The following CSMD3 variants were observed in gnomAD, a reference collection of about 807,000 sequenced individuals.
The protein encoded by CSMD3 is CUB and Sushi multiple domains 3.
A neutral mutation model predicts 435.2 loss-of-function variants in CSMD3; 177 were observed. The ratio of observed to expected loss-of-function variants is 0.41; its 90% CI spans 0.36 to 0.46. CSMD3 has a LOEUF of 0.46. Ranked by LOEUF, CSMD3 falls within the 20% of genes least tolerant of loss-of-function variation. The probability of loss-of-function intolerance (pLI) is 0.34; values close to 1 mark genes in which losing one functional copy is unlikely to be tolerated. For missense variants in CSMD3, 4,265 were observed against 4,504.6 expected (o/e 0.95, Z 1.52); for synonymous variants, 1,656 against 1,520.5 (o/e 1.09, Z -2.07).
intron 4 of CSMD3, among the ~76,000 whole-genome samples, chr8:113,168,507 A>G (rs1805922597): frequency 2.4e-5 from 3 of 125,146 alleles, no homozygotes; most frequent in African/African-American, 6.0e-5. Flanking sequence ...GTGACAGAGC[A>G]AGACTCTGTC....
chr8:113,303,120 GACAA>G (rs1471788257), intron 2 of CSMD3, among the ~76,000 whole-genome samples: 3 of 145,514 alleles, frequency 2.1e-5, no homozygotes, highest in East Asian at 2.0e-4. Context: ...AACAACAACA[GACAA>G]ACAGAGAGCC....
chr8:113,219,753 T>G (rs1176157452), intron 3 of CSMD3, among the ~76,000 whole-genome samples: 2 of 151,556 alleles, frequency 1.3e-5, no homozygotes, highest in East Asian at 1.9e-4. Flanking sequence ...GCTATCAAAA[T>G]ATGCCTAAAA....
intron 4 of CSMD3, among the ~76,000 whole-genome samples, chr8:113,134,964 C>T (rs1367590864): frequency 6.6e-6 from 1 of 151,972 alleles, no homozygotes; most frequent in African/African-American, 2.4e-5. Flanking sequence ...CTTGTAACAA[C>T]TCACTCCCTA....
rs140114679 is a variant in CSMD3, at chr8:113,361,762, A to G, written c.179-46969T>C. Among the ~76,000 whole-genome samples the G allele has an allele frequency of 4.3e-4, 66 of 152,278 alleles. 1 individual carries two copies. In the East Asian group the frequency reaches 0.012, roughly 28 times the overall value. On this transcript the variant is annotated intron_variant, in intron 1 of 70. Transcript: ENST00000297405. ...AGCATTTATGACATTTATAGGAACC[A>G]TATCAATTTGTAAGCTATAAAGCAC...
chr8:112,462,720 A>G (rs1386811142), intron 32 of CSMD3, among the ~76,000 whole-genome samples: 1 of 152,182 alleles, frequency 6.6e-6, no homozygotes, highest in East Asian at 1.9e-4. Flanking sequence ...TTATATTAAA[A>G]CATGTAAAAT....
At chr8:112,377,909 CA>C (rs139582776) in intron 38 of CSMD3, among the ~76,000 whole-genome samples, 1,771 of 152,022 alleles carry the variant, frequency 0.012, 36 homozygotes, top group African/African-American at 0.04. Context: ...TGGTAAAAAA[CA>C]AAAAGCTTTT....
At chr8:112,559,318 A>G (rs376736717) in intron 24 of CSMD3, among the ~76,000 whole-genome samples, 5 of 152,050 alleles carry the variant, frequency 3.3e-5, no homozygotes, top group African/African-American at 9.6e-5. Context: ...TTTACATTAC[A>G]AAAGGTTAGA....
At chr8:112,482,115 A>C (rs1819675342) in intron 31 of CSMD3, among the ~76,000 whole-genome samples, 1 of 152,164 alleles carries the variant, frequency 6.6e-6, no homozygotes, top group Admixed American at 6.5e-5. Context: ...CATCTCACTG[A>C]TTGCCTGGAT....
chr8:112,835,299 ATAACTTCTAC>A (rs1221188897), intron 11 of CSMD3, among the ~76,000 whole-genome samples: 1 of 151,886 alleles, frequency 6.6e-6, no homozygotes, highest in East Asian at 1.9e-4. Context: ...ATTTAATACC[ATAACTTCTAC>A]ATTGTCATAT....
intron 12 of CSMD3, among the ~76,000 whole-genome samples, chr8:112,806,693 T>C (rs2079095809): frequency 6.6e-6 from 1 of 152,170 alleles, no homozygotes; most frequent in Non-Finnish European, 1.5e-5. Context: ...CTGATATTCT[T>C]GTCTGTAATG....
At chr8:113,371,009 G>T (rs2094343242) in intron 1 of CSMD3, among the ~76,000 whole-genome samples, 1 of 152,092 alleles carries the variant, frequency 6.6e-6, no homozygotes, top group Admixed American at 6.6e-5. Context: ...AGTTACAATT[G>T]TCTTACCTTC....
At chr8:112,401,009 C>A (rs1831288633) in intron 35 of CSMD3, among the ~76,000 whole-genome samples, 1 of 151,992 alleles carries the variant, frequency 6.6e-6, no homozygotes, top group African/African-American at 2.4e-5. Context: ...CAGTTCAAGA[C>A]CAGCCTAGCC....
intron 3 of CSMD3, among the ~76,000 whole-genome samples, chr8:113,203,051 T>G (rs1419097689): frequency 6.6e-6 from 1 of 152,112 alleles, no homozygotes; most frequent in Admixed American, 6.6e-5. Flanking sequence ...TCTAGAGTTC[T>G]GTACTACTGT....
intron 29 of CSMD3, among the ~76,000 whole-genome samples, chr8:112,504,754 A>G (rs1822331103): frequency 1.3e-5 from 2 of 152,148 alleles, no homozygotes; most frequent in Non-Finnish European, 2.9e-5. Context: ...CAATTGTCCC[A>G]CAATGATCAT....
chr8:112,698,862 G>T (rs2131864032), intron 13 of CSMD3, among the ~76,000 whole-genome samples: 1 of 152,256 alleles, frequency 6.6e-6, no homozygotes, highest in East Asian at 1.9e-4. Context: ...GATTGTAAAT[G>T]CACCAATCGG....
chr8:112,736,102 C>T (rs776971611), intron 13 of CSMD3, among the ~76,000 whole-genome samples: 17 of 152,030 alleles, frequency 1.1e-4, no homozygotes, highest in Non-Finnish European at 1.6e-4. Context: ...ATATTTGGCA[C>T]GTAAGTATAA....
At chr8:112,589,500 A>G (rs1563738342) in intron 22 of CSMD3, among the ~76,000 whole-genome samples, 1 of 152,182 alleles carries the variant, frequency 6.6e-6, no homozygotes, top group Non-Finnish European at 1.5e-5. Context: ...CCATTAAAAT[A>G]TTACGGATAA....
At chr8:112,689,660 AT>A (rs1285202843) in intron 14 of CSMD3, among the ~76,000 whole-genome samples, 3 of 152,078 alleles carry the variant, frequency 2.0e-5, no homozygotes, top group Admixed American at 6.6e-5. Context: ...ATATTTTGCC[AT>A]TACCAAGTGA....
chr8:112,310,610 G>A, intron 50 of CSMD3: 1 of 304,274 alleles, frequency 3.3e-6, no homozygotes, highest in South Asian at 3.3e-5. Context: ...TCAGTCTTCA[G>A]TGTACTTGCC....
Sources: gnomAD v4.1 joint callset for allele counts (sites outside exome capture counted in the v4.1 genomes callset) on GRCh38, gnomAD v4.1.1 for gene constraint, MANE v1.5 for transcripts, NCBI Gene and HGNC (gene_info 2026-07-23, HGNC 2026-07-21) for gene names.